Variants in RPS6KA5 observed in about 807,000 individuals in gnomAD.
The protein encoded by RPS6KA5 is ribosomal protein S6 kinase alpha-5.
Under a neutral mutation model 85.5 loss-of-function variants are expected in RPS6KA5, and 27 were observed. The observed-to-expected ratio is 0.32, with a 90% CI of 0.23 to 0.44. The LOEUF is 0.44. RPS6KA5 is among the 20% of genes least tolerant of loss of function. The pLI is 1.00. For synonymous variants in RPS6KA5, 334 were observed against 348.2 expected (o/e 0.96, Z 0.46); for missense variants, 811 against 980.9 (o/e 0.83, Z 2.31).
At chr14:91,059,482 C>T (rs148060495) in intron 1 of RPS6KA5, among the ~76,000 whole-genome samples, 3 of 152,080 alleles carry the variant, frequency 2.0e-5, no homozygotes, top group Non-Finnish European at 4.4e-5. Flanking sequence ...ATCTACAATA[C>T]GAGACTGGGC....
intron 1 of RPS6KA5, among the ~76,000 whole-genome samples, chr14:91,053,244 G>A (rs2043168499): frequency 6.6e-6 from 1 of 152,162 alleles, no homozygotes; most frequent in African/African-American, 2.4e-5. Context: ...AAAACCCATA[G>A]CTAACCCCAT....
chr14:90,908,541 G>A (rs943679819), intron 7 of RPS6KA5, among the ~76,000 whole-genome samples: 6 of 152,110 alleles, frequency 3.9e-5, no homozygotes, highest in African/African-American at 1.2e-4. Flanking sequence ...GGAGTGCCAC[G>A]GGCTTTCCTC....
intron 12 of RPS6KA5, among the ~76,000 whole-genome samples, chr14:90,897,801 A>T (rs578068763): frequency 6.6e-6 from 1 of 152,306 alleles, no homozygotes; most frequent in South Asian, 2.1e-4. Context: ...ACAGCTGCAA[A>T]CCCAGAGGAG....
chr14:90,902,894 C>T lies in RPS6KA5; in HGVS notation c.1033G>A (p.Val345Met). 1 of 1,614,042 alleles carries T rather than the reference C, an allele frequency of 6.2e-7. No individual in the cohort carries two copies. Among genetic ancestry groups the T allele is most frequent in the Non-Finnish European group, 8.5e-7 (1 of 1,179,986 alleles). Residue 345 changes from valine (V) to methionine (M), a missense_variant, in exon 9 of 17, where the codon GTG becomes ATG. Transcript: ENST00000614987. ...FKPVIRDELDVSNFAEEFTEM... is the reference protein window; with the variant it reads ...FKPVIRDELDMSNFAEEFTEM... ...GTGAACTCTTCTGCAAAGTTACTCA[C>T]ATCTAATTCATCTCGAATGACTGGC...
chr14:90,913,195 G>A (rs956771431), intron 7 of RPS6KA5, among the ~76,000 whole-genome samples: 1 of 152,006 alleles, frequency 6.6e-6, no homozygotes, highest in African/African-American at 2.4e-5. Context: ...ATAGGCGTGT[G>A]AGCCACTGCG....
chr14:91,049,155 G>A (rs952067096), intron 1 of RPS6KA5, among the ~76,000 whole-genome samples: 2 of 152,170 alleles, frequency 1.3e-5, no homozygotes, highest in Non-Finnish European at 2.9e-5. Flanking sequence ...AAAATTCATG[G>A]TAGAAAGTTA....
chr14:91,020,510 TCTC>T (rs1330655243), intron 1 of RPS6KA5, among the ~76,000 whole-genome samples: 2 of 146,938 alleles, frequency 1.4e-5, no homozygotes, highest in East Asian at 4.2e-4. Flanking sequence ...CTGAAACCAA[TCTC>T]CTATGGATGC....
intron 7 of RPS6KA5, chr14:90,911,163 A>AT (rs1440454317): frequency 6.6e-6 from 1 of 152,222 alleles, no homozygotes; most frequent in Non-Finnish European, 1.5e-5. Context: ...CAACTAAAAC[A>AT]TAAGCTCTAA....
In RPS6KA5 at chr14:90,879,090, C is replaced by G. The variant is rs553569446; in HGVS notation, c.1837-3730G>C. On this transcript the variant is annotated intron_variant, in intron 14 of 16. Coordinates refer to ENST00000614987, the MANE Select transcript of RPS6KA5 (RefSeq NM_004755.4). ...AACTGCTCCTGAGATGTTACTAGACCCCGGCAGGCTCTGAGTGCCTCAAAC... is the reference window on the plus strand; with the variant it reads ...AACTGCTCCTGAGATGTTACTAGACGCCGGCAGGCTCTGAGTGCCTCAAAC... Among the ~76,000 whole-genome samples the G allele has an allele frequency of 1.3e-3, 198 of 152,292 alleles. 1 individual carries two copies. Among genetic ancestry groups the G allele is most frequent in the African/African-American group, 4.5e-3 (188 of 41,552 alleles).
intron 13 of RPS6KA5, chr14:90,894,030 G>A (rs2034698164): frequency 1.1e-6 from 1 of 913,824 alleles, no homozygotes; most frequent in Non-Finnish European, 1.3e-6. Flanking sequence ...GATTACAAAT[G>A]TAAAAAATAA....
intron 3 of RPS6KA5, among the ~76,000 whole-genome samples, chr14:90,952,992 T>C (rs1056231281): frequency 6.6e-6 from 1 of 152,212 alleles, no homozygotes; most frequent in African/African-American, 2.4e-5. Context: ...CTCTGTTTAA[T>C]CGGCTTGTTT....
chr14:90,944,550 G>A (rs1278222453), intron 4 of RPS6KA5, among the ~76,000 whole-genome samples: 3 of 152,178 alleles, frequency 2.0e-5, no homozygotes, highest in Non-Finnish European at 4.4e-5. Context: ...GAGGTCAAGA[G>A]TTCGAGACCA....
At chr14:90,912,904 CTTTTTTTTTT>C (rs57029403) in intron 7 of RPS6KA5, among the ~76,000 whole-genome samples, 4 of 53,288 alleles carry the variant, frequency 7.5e-5, no homozygotes, top group Non-Finnish European at 9.5e-5. Context: ...CATAAAGCAT[CTTTTTTTTTT>C]TTTTTTTTTT....
chr14:90,919,713 C>T (rs569725322), intron 7 of RPS6KA5, among the ~76,000 whole-genome samples: 5 of 152,228 alleles, frequency 3.3e-5, no homozygotes, highest in Admixed American at 2.0e-4. Flanking sequence ...AACACTGCAA[C>T]TGTGATAGCT....
chr14:91,048,207 G>A (rs930819738), intron 1 of RPS6KA5, among the ~76,000 whole-genome samples: 2 of 152,030 alleles, frequency 1.3e-5, no homozygotes, highest in African/African-American at 4.8e-5. Flanking sequence ...CTACATAACA[G>A]TAAGAGCCAC....
chr14:91,005,678 T>G (rs1486004175), intron 1 of RPS6KA5, among the ~76,000 whole-genome samples: 2 of 152,252 alleles, frequency 1.3e-5, no homozygotes, highest in Admixed American at 1.3e-4. Flanking sequence ...TCCTATGCTA[T>G]TATTTTGTCA....
intron 4 of RPS6KA5, among the ~76,000 whole-genome samples, chr14:90,943,508 G>T (rs1368727525): frequency 6.6e-6 from 1 of 152,008 alleles, no homozygotes; most frequent in Non-Finnish European, 1.5e-5. Flanking sequence ...ATGACCTTCA[G>T]GTGCCTTCAT....
chr14:91,021,860 T>C (rs899564162), intron 1 of RPS6KA5, among the ~76,000 whole-genome samples: 1 of 152,214 alleles, frequency 6.6e-6, no homozygotes, highest in African/African-American at 2.4e-5. Context: ...ATTTGTTCTC[T>C]TACAAGTAGC....
At chr14:90,916,262 G>T (rs1424498285) in intron 7 of RPS6KA5, among the ~76,000 whole-genome samples, 2 of 152,142 alleles carry the variant, frequency 1.3e-5, no homozygotes, top group African/African-American at 4.8e-5. Context: ...AACTATCAGG[G>T]ATTCTTACAG....
Sources: gnomAD v4.1 joint callset for allele counts (sites outside exome capture counted in the v4.1 genomes callset) on GRCh38, gnomAD v4.1.1 for gene constraint, MANE v1.5 for transcripts, NCBI Gene and HGNC (gene_info 2026-07-23, HGNC 2026-07-21) for gene names.